Variants in RSPH4A observed in about 807,000 individuals in gnomAD.
RSPH4A encodes radial spoke head protein 4 homolog A.
Under a neutral mutation model 71.0 loss-of-function variants are expected in RSPH4A, and 47 were observed. The ratio of observed to expected loss-of-function variants is 0.66; its 90% CI spans 0.52 to 0.84. The LOEUF is 0.84. Among genes scored for constraint, RSPH4A ranks in the 40% least tolerant of loss-of-function variants. RSPH4A has a pLI of 0.00. For missense variants in RSPH4A, 793 were observed against 855.2 expected, an observed-to-expected ratio of 0.93 and a Z score of 0.91; for synonymous variants, 282 against 302.3, an observed-to-expected ratio of 0.93 and a Z score of 0.70.
At chr6:116,621,975 A>G (rs1775616933) in intron 1 of RSPH4A, among the ~76,000 whole-genome samples, 1 of 152,222 alleles carries the variant, frequency 6.6e-6, no homozygotes, top group Non-Finnish European at 1.5e-5. Context: ...GCAGTTATAT[A>G]TAAAATGTAA....
chr6:116,618,190 A>C (rs988541450), intron 1 of RSPH4A, among the ~76,000 whole-genome samples: 3 of 152,190 alleles, frequency 2.0e-5, no homozygotes, highest in Non-Finnish European at 4.4e-5. Context: ...CCCTCTGCCC[A>C]GAAGGCTTCT....
At chr6:116,618,000 G>A (rs190050194) in intron 1 of RSPH4A, among the ~76,000 whole-genome samples, 3 of 152,220 alleles carry the variant, frequency 2.0e-5, no homozygotes, top group Middle Eastern at 3.4e-3. Flanking sequence ...CATAATGATA[G>A]GGTCAGTAGA....
chr6:116,630,606 A>G, intron 5 of RSPH4A, 54 bp downstream of exon 5: 1 of 834,356 alleles, frequency 1.2e-6, no homozygotes. Context: ...AGCTCTGGAA[A>G]TTATAAATAA....
At chr6:116,627,304 A>C (rs1775711788) in intron 2 of RSPH4A, among the ~76,000 whole-genome samples, 1 of 152,078 alleles carries the variant, frequency 6.6e-6, no homozygotes, top group South Asian at 2.1e-4. Flanking sequence ...GGTTCAAGTG[A>C]TCCTCCTGGC....
At chr6:116,630,340 T>C in intron 4 of RSPH4A, 95 bp from the exon 5 acceptor site, 4 of 777,444 alleles carry the variant, frequency 5.1e-6, no homozygotes, top group Non-Finnish European at 9.4e-6. Flanking sequence ...TGTGTGTGCA[T>C]GCATGTGTGT....
chr6:116,623,948 A>T (rs1297691154), intron 2 of RSPH4A, among the ~76,000 whole-genome samples: 2 of 152,230 alleles, frequency 1.3e-5, no homozygotes, highest in Non-Finnish European at 2.9e-5. Context: ...TACATCACAG[A>T]AATTTTAACT....
At chr6:116,629,480 T>A in intron 3 of RSPH4A, 87 bp from the exon 4 acceptor site, 1 of 1,301,822 alleles carries the variant, frequency 7.7e-7, no homozygotes, top group Non-Finnish European at 1.1e-6. Context: ...CCCACAGAGT[T>A]ACACTTCATC....
chr6:116,632,400 G>T lies in RSPH4A; in HGVS notation c.2110G>T (p.Glu704Ter), dbSNP rs774060823. Residue 704 changes from glutamate to a stop codon, truncating the protein, a stop_gained, in exon 6 of 6, where the codon GAA becomes TAA. Transcript: ENST00000229554. LOFTEE classifies it high-confidence loss of function. ...AGTTCTACTCGCAGCTGAGAATGAA[G>T]AATCTGAGGAAGATGAAGATGAGGA... ...EAVLLAAENE[E>*]SEEDEDEEDD... The T allele has an allele frequency of 3.1e-6, 5 of 1,613,934 alleles. No homozygotes were observed. The Admixed American group carries it at 6.7e-5, about 22-fold the overall frequency.
In RSPH4A at chr6:116,632,224, A is replaced by G. The variant is rs746646378; in HGVS notation, c.1934A>G (p.Tyr645Cys). Residue 645 changes from tyrosine (Y) to cysteine (C), a missense_variant, in exon 6 of 6, where the codon TAC (tyrosine) becomes TGC (cysteine). Transcript: ENST00000229554. ...ACTTATAGAAAGTTTGAAAATTTCT[A>G]CATAGGCTGGGGTCATAAGTATAGT... ...FSNGKKFENF[Y>C]IGWGHKYSPD... 1.9e-6 allele frequency: 3 copies of G among 1,610,424 alleles called. No homozygotes were observed. Among genetic ancestry groups the G allele is most frequent in the Non-Finnish European group, 2.5e-6 (3 of 1,178,804 alleles).
Position 116,632,486 on chromosome 6 carries a change from C to T in RSPH4A, c.*45C>T, listed in dbSNP as rs777284529. The T allele has an allele frequency of 1.3e-6, 2 of 1,573,072 alleles. No individual in the cohort carries two copies. Among genetic ancestry groups the T allele is most frequent in the Non-Finnish European group, 1.7e-6 (2 of 1,158,420 alleles). On this transcript the variant is annotated 3_prime_UTR_variant, in exon 6 of 6. Transcript: ENST00000229554. Reference sequence around the variant, plus strand: ...GTTTTATGTGACACTGATACACACACACCCCTTATATGGGACTAATTTTAC... The same window carrying T: ...GTTTTATGTGACACTGATACACACATACCCCTTATATGGGACTAATTTTAC...
chr6:116,620,864 T>G (rs1775592556), intron 1 of RSPH4A, among the ~76,000 whole-genome samples: 1 of 152,164 alleles, frequency 6.6e-6, no homozygotes, highest in South Asian at 2.1e-4. Context: ...AGTTTTCTTT[T>G]TCTTTTCTTT....
In RSPH4A at chr6:116,632,553, AATT is replaced by A. The variant is rs1171708604; in HGVS notation, c.*116_*118del. ...TGTGTATATACATACACATGTAAGAAATTATTCAACTGCAAAATCTCAATCTTG... is the reference window on the plus strand; with the variant it reads ...TGTGTATATACATACACATGTAAGAAATTCAACTGCAAAATCTCAATCTTG... On this transcript the variant is annotated 3_prime_UTR_variant, in exon 6 of 6. Coordinates refer to ENST00000229554, the MANE Select transcript of RSPH4A (RefSeq NM_001010892.3). 7 of 1,337,252 alleles carry A rather than the reference AATT, an allele frequency of 5.2e-6. No individual in the cohort carries two copies. The African/African-American group carries it at 8.9e-5, about 17-fold the overall frequency. The allele number at this position is 1,337,252 out of a possible 1,614,324, so 82.8% of individuals were successfully genotyped here.
chr6:116,622,640 T>C, intron 1 of RSPH4A, 128 bp from the exon 2 acceptor site: 2 of 653,172 alleles, frequency 3.1e-6, no homozygotes, highest in East Asian at 2.7e-5. Context: ...ACCTAAGCTA[T>C]ATATTTTGTT....
At chr6:116,630,404 T>C (rs1775774706) in intron 4 of RSPH4A, 31 bp from the exon 5 acceptor site, 9 of 1,152,328 alleles carry the variant, frequency 7.8e-6, no homozygotes, top group South Asian at 1.2e-5. Context: ...TAGTTAGGAA[T>C]TAAGCTTTTG....
At position 116,631,270 on chromosome 6, in the gene RSPH4A, G is replaced by A. The variant is rs545193345; in HGVS notation, c.1916+718G>A. 4.6e-5 allele frequency among the ~76,000 whole-genome samples: 7 copies of A among 152,152 alleles called. No homozygotes were observed. In the South Asian group the frequency reaches 1.4e-3, roughly 32 times the overall value. ...ATCATTTCTGGAGAGAAAGCTGAGCGGCCAGGTGTTAGAGTAGCCATTAAA... is the reference window on the plus strand; with the variant it reads ...ATCATTTCTGGAGAGAAAGCTGAGCAGCCAGGTGTTAGAGTAGCCATTAAA... On this transcript the variant is annotated intron_variant, in intron 5 of 5. Coordinates refer to ENST00000229554, the MANE Select transcript of RSPH4A (RefSeq NM_001010892.3).
chr6:116,630,931 C>T (rs1046068711), intron 5 of RSPH4A, among the ~76,000 whole-genome samples: 4 of 146,054 alleles, frequency 2.7e-5, no homozygotes, highest in African/African-American at 5.0e-5. Flanking sequence ...TCTCATGATC[C>T]GCCCCGCCTC....
In RSPH4A at chr6:116,627,849, A is replaced by C; in HGVS notation, c.1142A>C (p.Glu381Ala). The C allele has an allele frequency of 6.2e-7, 1 of 1,613,982 alleles. No individual in the cohort carries two copies. Among genetic ancestry groups the C allele is most frequent in the South Asian group, 1.1e-5 (1 of 91,070 alleles). The change falls in exon 3 of 6, where the codon GAA becomes GCA. Residue 381 changes from glutamate to alanine, a missense_variant. By Grantham distance (107) the Glu-to-Ala change is moderately radical (BLOSUM62 -1). Coordinates refer to ENST00000229554, the MANE Select transcript of RSPH4A (RefSeq NM_001010892.3). Reference sequence around the variant, plus strand: ...TTTCGTGAGGGGGAAGATGAAGAGGAAGTGGAAGAGGAAGATGTAGCTGAA... The same window carrying C: ...TTTCGTGAGGGGGAAGATGAAGAGGCAGTGGAAGAGGAAGATGTAGCTGAA... ...VEFREGEDEE[E>A]VEEEDVAEER...
Position 116,629,587 on chromosome 6 carries a change from C to T in RSPH4A, c.1683C>T (p.Asn561=), listed in dbSNP as rs1451660000. 3.1e-6 allele frequency: 5 copies of T among 1,612,804 alleles called. No individual in the cohort carries two copies. Among genetic ancestry groups the T allele is most frequent in the Non-Finnish European group, 8.5e-7 (1 of 1,179,018 alleles). The part of the protein sequence containing the change: ...ILSQGRCNWF[N]SIQKNEEEEE... ...CCCAGGGTCGCTGTAATTGGTTCAA[C>T]TCCATACAAAAAAATGAGGAAGAAG... The change falls in exon 4 of 6, where the codon AAC becomes AAT. Residue 561 remains asparagine, a synonymous_variant. Coordinates refer to ENST00000229554, the MANE Select transcript of RSPH4A (RefSeq NM_001010892.3).
Position 116,630,474 on chromosome 6 carries a change from C to G in RSPH4A, c.1838C>G (p.Ser613Ter), listed in dbSNP as rs1775776645. The change falls in exon 5 of 6, where the codon TCA becomes TGA. Residue 613 changes from serine (S) to a stop codon, truncating the protein, a stop_gained. Transcript: ENST00000229554. LOFTEE classifies it high-confidence loss of function. The stretch of plus-strand genomic sequence containing the variant: ...CCCCCCTGGACAACACGGTTATCCT[C>G]AAATCTCATTCCACAATATGCTATT... ...NIPPWTTRLS[S>*]NLIPQYAIAV... The G allele has an allele frequency of 6.2e-7, 1 of 1,611,374 alleles. No homozygotes were observed. The highest frequency in any genetic ancestry group is 8.5e-7 in the Non-Finnish European group (1 of 1,177,668).
Sources: gnomAD v4.1 joint callset for allele counts (sites outside exome capture counted in the v4.1 genomes callset) on GRCh38, gnomAD v4.1.1 for gene constraint, MANE v1.5 for transcripts, NCBI Gene and HGNC (gene_info 2026-07-23, HGNC 2026-07-21) for gene names.